The following DPP3 variants were observed in gnomAD, a reference collection of about 807,000 sequenced individuals.
DPP3 encodes dipeptidyl peptidase 3.
A neutral mutation model predicts 89.8 loss-of-function variants in DPP3; 64 were observed. That is an observed-to-expected ratio of 0.71 (90% CI 0.58 to 0.88). The LOEUF is 0.88. DPP3 is among the 40% of genes least tolerant of loss of function. The pLI, the probability that DPP3 is intolerant of heterozygous loss-of-function variation, is 0.00. For missense variants in DPP3, 835 were observed against 972.5 expected (o/e 0.86, Z 1.88); for synonymous variants, 377 against 404.3 (o/e 0.93, Z 0.81).
At chr11:66,498,353 A>C (rs918402420) in intron 16 of DPP3, among the ~76,000 whole-genome samples, 8 of 152,026 alleles carry the variant, frequency 5.3e-5, no homozygotes, top group Non-Finnish European at 1.2e-4. Flanking sequence ...TCGGCCTCCC[A>C]AAGTGCTGGG....
At chr11:66,502,062 G>A (rs939487888) in intron 16 of DPP3, among the ~76,000 whole-genome samples, 1 of 150,332 alleles carries the variant, frequency 6.7e-6, no homozygotes, top group African/African-American at 2.4e-5. Context: ...GCGTGGTGGT[G>A]CACACCTGTA....
chr11:66,499,148 G>A (rs1255181632), intron 16 of DPP3, among the ~76,000 whole-genome samples: 1 of 151,920 alleles, frequency 6.6e-6, no homozygotes, highest in Non-Finnish European at 1.5e-5. Context: ...GGATCACGAG[G>A]TCAGCAGTTC....
intron 12 of DPP3, among the ~76,000 whole-genome samples, chr11:66,494,302 T>G (rs922828841): frequency 1.1e-4 from 16 of 151,588 alleles, no homozygotes; most frequent in African/African-American, 3.6e-4. Context: ...GCCCCTCCCC[T>G]CCGAGGGCGG....
chr11:66,501,933 C>A (rs892861890), intron 16 of DPP3, among the ~76,000 whole-genome samples: 2 of 151,922 alleles, frequency 1.3e-5, no homozygotes, highest in Admixed American at 1.3e-4. Context: ...CACGGTGGCT[C>A]ACGCCTGTAA....
chr11:66,480,768 G>A (rs1252471623), intron 1 of DPP3: 4 of 328,664 alleles, frequency 1.2e-5, no homozygotes. Flanking sequence ...GGGAATCCCC[G>A]GGTTCCAACG....
At chr11:66,487,860 A>G (rs1855274668) in intron 5 of DPP3, 54 bp from the exon 6 acceptor site, 2 of 1,548,202 alleles carry the variant, frequency 1.3e-6, no homozygotes, top group African/African-American at 2.8e-5. Context: ...CCTTCCTCCC[A>G]CCCCACTGCC....
chr11:66,495,085 C>A lies in DPP3; in HGVS notation c.1390-121C>A, dbSNP rs767897471. On this transcript the variant is annotated intron_variant, in intron 12 of 17. Coordinates refer to ENST00000531863, the MANE Select transcript of DPP3 (RefSeq NM_130443.4). ...AGTGTGTGGACAGACCTGCTGCTCC[C>A]GCCGCCCGCTCCTGCGCTCCCGCTT... The A allele has an allele frequency of 4.9e-6, 7 of 1,429,288 alleles. No individual in the cohort carries two copies. In the South Asian group the frequency reaches 7.2e-5, roughly 15 times the overall value. 88.5% of individuals were successfully genotyped at this position (1,429,288 alleles called of 1,614,324 possible).
Position 66,504,750 on chromosome 11 carries a change from G to T in DPP3, c.2017G>T (p.Val673Phe). 6.2e-7 allele frequency: 1 copy of T among 1,612,470 alleles called. No individual in the cohort carries two copies. Among genetic ancestry groups the T allele is most frequent in the South Asian group, 1.1e-5 (1 of 90,930 alleles). ...GCGTAAGGAATCTCGGAAGCTCATTGTTCAGCCCAACACTCGCCTTGAAGG... is the reference window on the plus strand; with the variant it reads ...GCGTAAGGAATCTCGGAAGCTCATTTTTCAGCCCAACACTCGCCTTGAAGG... Reference protein sequence around the residue: ...LLRKESRKLIVQPNTRLEGSD... With the variant: ...LLRKESRKLIFQPNTRLEGSD... The change falls in exon 17 of 18, where the codon GTT (valine) becomes TTT (phenylalanine). Residue 673 changes from valine (V) to phenylalanine (F), a missense_variant. Coordinates refer to ENST00000531863, the MANE Select transcript of DPP3 (RefSeq NM_130443.4).
At chr11:66,497,521 C>T in intron 16 of DPP3, 44 bp downstream of exon 16, 2 of 1,580,292 alleles carry the variant, frequency 1.3e-6, no homozygotes, top group Non-Finnish European at 1.7e-6. Flanking sequence ...ACCAACCTCT[C>T]CAGGGGCACT....
intron 16 of DPP3, among the ~76,000 whole-genome samples, chr11:66,501,230 G>A (rs1038573427): frequency 6.6e-5 from 10 of 151,054 alleles, no homozygotes; most frequent in Non-Finnish European, 8.9e-5. Flanking sequence ...GCATGGTGGC[G>A]CATCCTGTAC....
chr11:66,499,544 C>T (rs1390870459), intron 16 of DPP3, among the ~76,000 whole-genome samples: 1 of 151,738 alleles, frequency 6.6e-6, no homozygotes, highest in African/African-American at 2.4e-5. Context: ...CCCAGACGGG[C>T]TGATCACCTG....
At chr11:66,490,783 T>TG (rs1258676048) in intron 6 of DPP3, among the ~76,000 whole-genome samples, 4 of 151,688 alleles carry the variant, frequency 2.6e-5, no homozygotes, top group African/African-American at 9.7e-5. Flanking sequence ...TTTTTTTTTT[T>TG]TTTGAGATGG....
intron 6 of DPP3, 59 bp downstream of exon 6, chr11:66,488,066 G>A: frequency 6.8e-7 from 1 of 1,480,416 alleles, no homozygotes; most frequent in African/African-American, 1.4e-5. Context: ...GACCTGGGTG[G>A]CTCAGGTCCT....
intron 16 of DPP3, 136 bp downstream of exon 16, chr11:66,497,613 G>A (rs1319580071): frequency 4.0e-6 from 5 of 1,251,642 alleles, no homozygotes; most frequent in Non-Finnish European, 5.4e-6. Flanking sequence ...ACATGTAAGC[G>A]CACCGGGTGC....
Position 66,491,565 on chromosome 11 carries a change from C to T in DPP3, c.870C>T (p.Ile290=), listed in dbSNP as rs200467563. ...TAGAGAGCTTCACCCAGGGCTCCAT[C>T]GAGGCCCACAAGAGGGGCTCCCGCT... ...QYIESFTQGS[I]EAHKRGSRFW... Residue 290 remains isoleucine (I), a synonymous_variant, in exon 8 of 18, where the codon ATC becomes ATT. Transcript: ENST00000531863. The T allele has an allele frequency of 1.1e-5, 18 of 1,613,740 alleles. No homozygotes were observed. The highest frequency in any genetic ancestry group is 3.3e-5 in the Admixed American group (2 of 59,984).
At chr11:66,506,983 C>T (rs1363411538) in intron 17 of DPP3, among the ~76,000 whole-genome samples, 1 of 152,040 alleles carries the variant, frequency 6.6e-6, no homozygotes, top group Admixed American at 6.6e-5. Context: ...ACCCCAGTGC[C>T]TCATGCACAG....
chr11:66,481,112 G>T (rs898937600), intron 1 of DPP3: 1 of 152,208 alleles, frequency 6.6e-6, no homozygotes, highest in African/African-American at 2.4e-5. Flanking sequence ...TAGGAGTCTG[G>T]GGCCGAGTCC....
chr11:66,491,866 C>A, intron 9 of DPP3, 110 bp downstream of exon 9: 1 of 1,174,006 alleles, frequency 8.5e-7, no homozygotes, highest in Non-Finnish European at 1.3e-6. Flanking sequence ...ATAACCATAA[C>A]AGTAAGAACA....
chr11:66,503,343 A>T (rs538256175), intron 16 of DPP3, among the ~76,000 whole-genome samples: 19 of 152,320 alleles, frequency 1.2e-4, no homozygotes, highest in Admixed American at 4.6e-4. Context: ...CAAACGAGAA[A>T]CATTAGCTTT....
Sources: gnomAD v4.1 joint callset for allele counts (sites outside exome capture counted in the v4.1 genomes callset) on GRCh38, gnomAD v4.1.1 for gene constraint, MANE v1.5 for transcripts, NCBI Gene and HGNC (gene_info 2026-07-23, HGNC 2026-07-21) for gene names.